Variants in AGTPBP1 observed in about 807,000 individuals in gnomAD.
AGTPBP1 encodes cytosolic carboxypeptidase 1.
A neutral mutation model predicts 143.9 loss-of-function variants in AGTPBP1; 70 were observed. The ratio of observed to expected loss-of-function variants is 0.49; its 90% CI spans 0.40 to 0.59. The LOEUF (loss-of-function observed/expected upper bound fraction) is 0.59. AGTPBP1 is among the 20% of genes least tolerant of loss of function. The pLI is 0.00. For synonymous variants in AGTPBP1, 463 were observed against 500.2 expected (o/e 0.93, Z 0.99); for missense variants, 1,229 against 1,464.5 (o/e 0.84, Z 2.62).
In AGTPBP1 at chr9:85,621,270, T is replaced by C. The variant is rs757886657; in HGVS notation, c.2031A>G (p.Gln677=). 7 of 1,445,086 alleles carry C rather than the reference T, an allele frequency of 4.8e-6. No homozygotes were observed. Among genetic ancestry groups the C allele is most frequent in the Non-Finnish European group, 6.4e-6 (7 of 1,101,308 alleles). 89.5% of individuals were successfully genotyped at this position (1,445,086 alleles called of 1,614,324 possible). A position where few individuals can be genotyped will look rare whatever the true frequency, so the allele number is the denominator to read the frequency against. The change falls in exon 15 of 26, where the codon CAA becomes CAG. Residue 677 remains glutamine, a synonymous_variant. Coordinates refer to ENST00000357081, the MANE Select transcript of AGTPBP1 (RefSeq NM_001330701.2). ...PYGVQRTKIA[Q]DIERLIHQSD... ...TCTGATGTATTAGCCTTTCAATATCTTGAGCAATTTTTGTCCTGAAATCAT... is the reference window on the plus strand; with the variant it reads ...TCTGATGTATTAGCCTTTCAATATCCTGAGCAATTTTTGTCCTGAAATCAT...
chr9:85,552,583 C>G (rs559204282), intron 25 of AGTPBP1, among the ~76,000 whole-genome samples: 5 of 152,340 alleles, frequency 3.3e-5, no homozygotes, highest in Non-Finnish European at 7.4e-5. Flanking sequence ...TCTCTGAGCA[C>G]AGGTTTCTCA....
intron 17 of AGTPBP1, among the ~76,000 whole-genome samples, chr9:85,601,080 C>G (rs558709732): frequency 2.0e-5 from 3 of 152,220 alleles, no homozygotes; most frequent in Non-Finnish European, 4.4e-5. Flanking sequence ...TATTAACACA[C>G]GCCTTGCAAA....
At position 85,546,923 on chromosome 9, in the gene AGTPBP1, A is replaced by C. The variant is rs2118271045; in HGVS notation, c.*186T>G. ...ACATAAAGTGCATTGAATATCGAAAATAAAACAAGCGCCAATTTTATCATT... is the reference window on the plus strand; with the variant it reads ...ACATAAAGTGCATTGAATATCGAAACTAAAACAAGCGCCAATTTTATCATT... On this transcript the variant is annotated 3_prime_UTR_variant, in exon 26 of 26. Transcript: ENST00000357081. 1 of 510,024 alleles carries C rather than the reference A, an allele frequency of 2.0e-6. No homozygotes were observed. Among genetic ancestry groups the C allele is most frequent in the Non-Finnish European group, 3.2e-6 (1 of 309,146 alleles). 31.6% of individuals were successfully genotyped at this position (510,024 alleles called of 1,614,324 possible). A position where few individuals can be genotyped will look rare whatever the true frequency, so the allele number is the denominator to read the frequency against.
At chr9:85,746,301 C>T (rs1218442502), upstream of AGTPBP1, among the ~76,000 whole-genome samples, 3 of 152,122 alleles carry the variant, frequency 2.0e-5, no homozygotes, top group African/African-American at 4.8e-5. Flanking sequence ...TAACTATCAA[C>T]TTTCCACTAC....
At chr9:85,554,414 A>G (rs1173706965) in intron 25 of AGTPBP1, 1 of 152,576 alleles carries the variant, frequency 6.6e-6, no homozygotes, top group Admixed American at 6.5e-5. Context: ...CAAAAAATAA[A>G]CAAGTGAGCA....
chr9:85,727,276 G>A (rs920076766), intron 1 of AGTPBP1, among the ~76,000 whole-genome samples: 2 of 152,074 alleles, frequency 1.3e-5, no homozygotes, highest in African/African-American at 2.4e-5. Flanking sequence ...GAAGTGAGCC[G>A]AGACTGCACC....
At chr9:85,663,751 A>C (rs1255018979) in intron 8 of AGTPBP1, among the ~76,000 whole-genome samples, 1 of 152,126 alleles carries the variant, frequency 6.6e-6, no homozygotes, top group Non-Finnish European at 1.5e-5. Flanking sequence ...GTTTTTTTGA[A>C]AAGCTACCAA....
At chr9:85,606,400 A>G (rs1305540298) in intron 17 of AGTPBP1, among the ~76,000 whole-genome samples, 1 of 151,972 alleles carries the variant, frequency 6.6e-6, no homozygotes, top group East Asian at 1.9e-4. Context: ...GAGAAAAAAA[A>G]AAAAAGATGT....
At chr9:85,758,588 G>T in the AGTPBP1 span, among the ~76,000 whole-genome samples, 5 of 152,156 alleles carry the variant, frequency 3.3e-5, no homozygotes, top group African/African-American at 9.7e-5. Flanking sequence ...ACGTTGCAGT[G>T]AGCCGAGACC....
Position 85,672,592 on chromosome 9 carries a change from C to T in AGTPBP1, c.526G>A (p.Val176Ile), listed in dbSNP as rs867351278. The change falls in exon 7 of 26, where the codon GTT becomes ATT. Residue 176 changes from valine (V) to isoleucine (I), a missense_variant. Transcript: ENST00000357081. ...CGTAAAAGCTGAAGGCAAGGTAGAA[C>T]CAAGCGATGATTCTGCAAATTCTGC... Reference protein sequence around the residue: ...VKQNLQNHRLVLPCLQLLRVY... With the variant: ...VKQNLQNHRLILPCLQLLRVY... 6.2e-7 allele frequency: 1 copy of T among 1,613,692 alleles called. No homozygotes were observed. Among genetic ancestry groups the T allele is most frequent in the African/African-American group, 1.3e-5 (1 of 74,932 alleles).
At chr9:85,580,708 T>A (rs572809621) in intron 23 of AGTPBP1, among the ~76,000 whole-genome samples, 1 of 152,316 alleles carries the variant, frequency 6.6e-6, no homozygotes, top group South Asian at 2.1e-4. Flanking sequence ...ACAATCTTTA[T>A]GAAGGACAAT....
chr9:85,561,938 T>C (rs1826760844), intron 25 of AGTPBP1, among the ~76,000 whole-genome samples: 1 of 151,158 alleles, frequency 6.6e-6, no homozygotes, highest in African/African-American at 2.4e-5. Flanking sequence ...GTTCAAGCAG[T>C]TCTCTGCTTC....
intron 17 of AGTPBP1, among the ~76,000 whole-genome samples, chr9:85,609,469 G>A (rs963821290): frequency 2.6e-5 from 4 of 152,002 alleles, no homozygotes; most frequent in African/African-American, 7.2e-5. Context: ...TTTTAGTAGA[G>A]ACGGGGTTTC....
intron 25 of AGTPBP1, among the ~76,000 whole-genome samples, chr9:85,548,283 A>C (rs1050358214): frequency 1.3e-5 from 2 of 152,250 alleles, no homozygotes; most frequent in African/African-American, 4.8e-5. Flanking sequence ...TTCAGTCCAG[A>C]TATCTGGAAG....
At chr9:85,664,196 C>T (rs746310969) in intron 8 of AGTPBP1, among the ~76,000 whole-genome samples, 1 of 152,070 alleles carries the variant, frequency 6.6e-6, no homozygotes. Context: ...TTACCAAGGG[C>T]ACAATAAAGC....
At chr9:85,648,790 C>A (rs1035857658) in intron 11 of AGTPBP1, among the ~76,000 whole-genome samples, 2 of 151,882 alleles carry the variant, frequency 1.3e-5, no homozygotes, top group South Asian at 2.1e-4. Context: ...CCAGCCTGGG[C>A]AACAGTGCGA....
intron 2 of AGTPBP1, among the ~76,000 whole-genome samples, chr9:85,696,684 C>T (rs1836267975): frequency 6.6e-6 from 1 of 151,516 alleles, no homozygotes; most frequent in Non-Finnish European, 1.5e-5. Context: ...AAAAAAGTAT[C>T]AATCCACATT....
At chr9:85,583,113 A>AT (rs1193111186) in intron 23 of AGTPBP1, among the ~76,000 whole-genome samples, 2 of 152,184 alleles carry the variant, frequency 1.3e-5, no homozygotes, top group African/African-American at 4.8e-5. Flanking sequence ...CAAGGAACAC[A>AT]GACATGCTAG....
intron 14 of AGTPBP1, among the ~76,000 whole-genome samples, chr9:85,625,893 A>C (rs1361652700): frequency 1.4e-5 from 2 of 141,284 alleles, no homozygotes; most frequent in Non-Finnish European, 3.0e-5. Context: ...TCAAAAAAAA[A>C]ACCTAGTTTT....
Sources: allele counts gnomAD v4.1 joint callset (sites outside exome capture counted in the v4.1 genomes callset), GRCh38; gene constraint gnomAD v4.1.1; transcripts MANE v1.5; gene names NCBI Gene and HGNC (gene_info 2026-07-23, HGNC 2026-07-21).